Variants in CC2D2A observed in about 807,000 individuals in gnomAD.
CC2D2A encodes coiled-coil and C2 domain-containing protein 2A.
Under a neutral mutation model 212.9 loss-of-function variants are expected in CC2D2A, and 155 were observed. The observed-to-expected ratio is 0.73, with a 90% CI of 0.64 to 0.83. The LOEUF (loss-of-function observed/expected upper bound fraction) is 0.83, where lower values mean the gene tolerates loss of function less well. CC2D2A is among the 40% of genes least tolerant of loss of function. The pLI is 0.00. For missense variants in CC2D2A, 1,856 were observed against 1,956.2 expected, an observed-to-expected ratio of 0.95 and a Z score of 0.97; for synonymous variants, 667 against 686.5, an observed-to-expected ratio of 0.97 and a Z score of 0.44.
intron 20 of CC2D2A, 71 bp downstream of exon 20, chr4:15,555,281 C>T: frequency 6.5e-7 from 1 of 1,550,276 alleles, no homozygotes; most frequent in Non-Finnish European, 8.8e-7. Context: ...ACACTATCTT[C>T]TCCTATGCAA....
intron 1 of CC2D2A, among the ~76,000 whole-genome samples, chr4:15,473,428 T>C (rs1210307184): frequency 1.3e-5 from 2 of 152,120 alleles, no homozygotes; most frequent in African/African-American, 4.8e-5. Context: ...GCAAGAGCCA[T>C]GCAGATATCT....
At chr4:15,532,745 T>C (rs190445749) in intron 13 of CC2D2A, among the ~76,000 whole-genome samples, 9 of 152,370 alleles carry the variant, frequency 5.9e-5, no homozygotes, top group Admixed American at 1.3e-4. Flanking sequence ...CTAGTGAATA[T>C]TGAAAATCTC....
At chr4:15,553,405 T>C (rs766538179) in intron 19 of CC2D2A, 100 bp downstream of exon 19, 61 of 1,310,270 alleles carry the variant, frequency 4.7e-5, no homozygotes, top group Non-Finnish European at 6.4e-5. Context: ...TTTCCTTTTA[T>C]TGTCAGGTGC....
At chr4:15,585,904 G>A (rs190176864) in intron 30 of CC2D2A, among the ~76,000 whole-genome samples, 15 of 152,234 alleles carry the variant, frequency 9.9e-5, no homozygotes, top group African/African-American at 1.9e-4. Flanking sequence ...AAAGTAGTGC[G>A]AAATGAAAGA....
intron 29 of CC2D2A, among the ~76,000 whole-genome samples, chr4:15,577,640 A>G (rs1553842304): frequency 4.0e-5 from 6 of 151,148 alleles, no homozygotes; most frequent in Non-Finnish European, 8.8e-5. Context: ...ACAGGCCTCA[A>G]GAAGGACTGC....
intron 4 of CC2D2A, among the ~76,000 whole-genome samples, chr4:15,500,416 T>C (rs977545903): frequency 1.3e-5 from 2 of 152,132 alleles, no homozygotes; most frequent in African/African-American, 4.8e-5. Context: ...TTATATTATC[T>C]GTAAAATGAA....
intron 26 of CC2D2A, among the ~76,000 whole-genome samples, chr4:15,568,845 GA>G (rs1720023823): frequency 6.6e-6 from 1 of 152,146 alleles, no homozygotes; most frequent in East Asian, 1.9e-4. Context: ...GTGAGGCAGG[GA>G]CCATTAGACC....
At chr4:15,519,915 C>G (rs1004598201) in intron 11 of CC2D2A, 1 of 229,670 alleles carries the variant, frequency 4.4e-6, no homozygotes, top group Admixed American at 5.0e-5. Flanking sequence ...GGACTGCCTC[C>G]TTCAGAAACC....
chr4:15,562,476 G>A (rs1468736), intron 23 of CC2D2A, among the ~76,000 whole-genome samples: 20,841 of 152,222 alleles, frequency 0.14, 1,503 homozygotes, highest in Non-Finnish European at 0.15. Context: ...AGTGTTTCTT[G>A]CATATCATCT....
chr4:15,512,946 T>C (rs1461620104), intron 8 of CC2D2A, among the ~76,000 whole-genome samples: 2 of 130,304 alleles, frequency 1.5e-5, no homozygotes, highest in East Asian at 5.6e-4. Flanking sequence ...AGCAAGACTC[T>C]GTCTCAAAAA....
At chr4:15,576,732 G>A (rs1478524502) in intron 29 of CC2D2A, 1 of 152,678 alleles carries the variant, frequency 6.5e-6, no homozygotes. Context: ...CCTAACGTAT[G>A]TGTAATGCCT....
intron 9 of CC2D2A, 68 bp from the exon 10 acceptor site, chr4:15,515,800 A>G: frequency 7.2e-7 from 1 of 1,385,016 alleles, no homozygotes; most frequent in Non-Finnish European, 9.7e-7. Context: ...TGATTAATTC[A>G]CCAAACTGCA....
chr4:15,507,002 C>T (rs1402439601), intron 6 of CC2D2A, among the ~76,000 whole-genome samples: 6 of 149,794 alleles, frequency 4.0e-5, no homozygotes, highest in South Asian at 2.1e-4. Context: ...CTCGTGAACG[C>T]GGGAGGCAGA....
In CC2D2A at chr4:15,502,839, A is replaced by G. The variant is rs1247636826; in HGVS notation, c.354A>G (p.Ala118=). 1.9e-6 allele frequency: 3 copies of G among 1,610,804 alleles called. No homozygotes were observed. Among genetic ancestry groups the G allele is most frequent in the Admixed American group, 1.7e-5 (1 of 59,634 alleles). ...CTTTTTAGTCCAAAGCAGAAAGTGCATTGCTGCAGGAAATCCCCACTCCTC... is the reference window on the plus strand; with the variant it reads ...CTTTTTAGTCCAAAGCAGAAAGTGCGTTGCTGCAGGAAATCCCCACTCCTC... ...LQAARSKAES[A]LLQEIPTPRP... The change falls in exon 6 of 37, where the codon GCA becomes GCG. Residue 118 remains alanine, a synonymous_variant. Coordinates refer to ENST00000424120, the MANE Select transcript of CC2D2A (RefSeq NM_001378615.1).
At chr4:15,594,572 G>C (rs1174430760) in intron 33 of CC2D2A, among the ~76,000 whole-genome samples, 2 of 152,090 alleles carry the variant, frequency 1.3e-5, no homozygotes, top group Non-Finnish European at 2.9e-5. Flanking sequence ...ACAAGCAGAA[G>C]CACACAAAGC....
Position 15,574,221 on chromosome 4 carries a change from T to C in CC2D2A, c.3666T>C (p.Leu1222=). Reference sequence around the variant, plus strand: ...ACAGTAAGGAGCGAAATATGATTCTTGAGCGGGGTTTTGATTCTGTCCGAA... The same window carrying C: ...ACAGTAAGGAGCGAAATATGATTCTCGAGCGGGGTTTTGATTCTGTCCGAA... ...LGYSKERNMI[L]ERGFDSVRSL... The change falls in exon 29 of 37, where the codon CTT becomes CTC. Residue 1222 remains leucine, a synonymous_variant. Coordinates refer to ENST00000424120, the MANE Select transcript of CC2D2A (RefSeq NM_001378615.1). The C allele has an allele frequency of 6.4e-7, 1 of 1,551,570 alleles. No homozygotes were observed. Among genetic ancestry groups the C allele is most frequent in the Non-Finnish European group, 8.7e-7 (1 of 1,146,860 alleles).
In CC2D2A at chr4:15,550,806, C is replaced by G; in HGVS notation, c.2182-18C>G. ...CTACTGCTGTTTTTATTGGCTATTTCTCTTCTCTGGTTTTCAGGTCTATGA... is the reference window on the plus strand; with the variant it reads ...CTACTGCTGTTTTTATTGGCTATTTGTCTTCTCTGGTTTTCAGGTCTATGA... On this transcript the variant is annotated intron_variant, in intron 17 of 36. Coordinates refer to ENST00000424120, the MANE Select transcript of CC2D2A (RefSeq NM_001378615.1). The G allele has an allele frequency of 1.3e-6, 2 of 1,541,116 alleles. No homozygotes were observed. The highest frequency in any genetic ancestry group is 1.8e-6 in the Non-Finnish European group (2 of 1,130,134).
At position 15,580,062 on chromosome 4, in the gene CC2D2A, C is replaced by T. The variant is rs772084475; in HGVS notation, c.3866C>T (p.Thr1289Ile). 6.2e-7 allele frequency: 1 copy of T among 1,613,928 alleles called. No individual in the cohort carries two copies. Among genetic ancestry groups the T allele is most frequent in the Admixed American group, 1.7e-5 (1 of 60,034 alleles). ...TTTCCAAATCGTCAGTGCCTTACAA[C>T]AGTAATTGATATAAGCGGAAAAACT... is the stretch of plus-strand genomic sequence containing the variant. ...LKFPNRQCLTTVIDISGKTVF... is the reference protein window; with the variant it reads ...LKFPNRQCLTIVIDISGKTVF... The change falls in exon 30 of 37, where the codon ACA becomes ATA. Residue 1289 changes from threonine to isoleucine, a missense_variant. By Grantham distance (89) the Thr-to-Ile change is moderately conservative. Around this residue, in one of 5 missense-constraint regions of CC2D2A, gnomAD observed 1,512 missense variants for 1,579.3 expected, o/e 0.96. Coordinates refer to ENST00000424120, the MANE Select transcript of CC2D2A (RefSeq NM_001378615.1).
At chr4:15,596,700 A>C (rs867317336) in intron 34 of CC2D2A, among the ~76,000 whole-genome samples, 20 of 152,186 alleles carry the variant, frequency 1.3e-4, no homozygotes, top group African/African-American at 4.6e-4. Flanking sequence ...TGTATTTTAT[A>C]CTCCGGATCT....
Sources: gnomAD v4.1 joint callset for allele counts (sites outside exome capture counted in the v4.1 genomes callset) on GRCh38, gnomAD v4.1.1 for gene constraint, gnomAD v4.1.1 regional missense constraint, MANE v1.5 for transcripts, NCBI Gene and HGNC (gene_info 2026-07-23, HGNC 2026-07-21) for gene names.